POU1F1: variants seen among roughly 807,000 people sequenced by gnomAD.
POU1F1 encodes POU class 1 homeobox 1, also known as pituitary-specific positive transcription factor 1.
In POU1F1, 23 loss-of-function variants were observed where a neutral mutation model predicts 32.3. The observed-to-expected ratio is 0.71, with a 90% CI of 0.51 to 1.01. The LOEUF (loss-of-function observed/expected upper bound fraction) is 1.01, where lower values mean the gene tolerates loss of function less well. Among genes scored for constraint, POU1F1 ranks in the 50% least tolerant of loss-of-function variants. The pLI, the probability that POU1F1 is intolerant of heterozygous loss-of-function variation, is 0.00. For synonymous variants in POU1F1, 120 were observed against 115.6 expected (o/e 1.04, Z -0.25); for missense variants, 323 against 341.6 (o/e 0.95, Z 0.43).
At chr3:87,271,970 C>T (rs1415470694) in intron 2 of POU1F1, among the ~76,000 whole-genome samples, 2 of 151,878 alleles carry the variant, frequency 1.3e-5, no homozygotes, top group South Asian at 2.1e-4. Context: ...TCTATTTAGT[C>T]TTACATGGAC....
Position 87,264,461 on chromosome 3 carries a change from C to A in POU1F1, c.266G>T (p.Gly89Val). The A allele has an allele frequency of 6.2e-7, 1 of 1,613,440 alleles. No homozygotes were observed. Among genetic ancestry groups the A allele is most frequent in the Non-Finnish European group, 8.5e-7 (1 of 1,179,518 alleles). Residue 89 changes from glycine to valine, a missense_variant, in exon 3 of 6, where the codon GGA becomes GTA. Physicochemically the swap from Gly to Val is moderately radical, Grantham distance 109. Transcript: ENST00000350375. ...AAGAGGCTGGTGTATAGGAGGAAAT[C>A]CATGACTCAAGGTGTGGTCAGGAAA... ...YKFPDHTLSH[G>V]FPPIHQPLLA...
intron 3 of POU1F1, 111 bp downstream of exon 3, chr3:87,264,177 A>G: frequency 3.5e-6 from 3 of 865,372 alleles, no homozygotes; most frequent in Non-Finnish European, 5.7e-6. Flanking sequence ...TCCACAGTAG[A>G]GATGAAGAAT....
chr3:87,262,906 G>A (rs72563139), intron 3 of POU1F1, among the ~76,000 whole-genome samples: 4,147 of 152,116 alleles, frequency 0.027, 83 homozygotes, highest in African/African-American at 0.044. Context: ...CAGTAATATA[G>A]ATAGAAAACT....
chr3:87,266,390 T>C (rs1380690458), intron 2 of POU1F1, among the ~76,000 whole-genome samples: 1 of 147,814 alleles, frequency 6.8e-6, no homozygotes, highest in African/African-American at 2.4e-5. Context: ...TATATAAAAA[T>C]ATGTAATTAT....
Position 87,276,583 on chromosome 3 carries a change from C to A in POU1F1, c.-121G>T. 8.4e-7 allele frequency: 1 copy of A among 1,192,738 alleles called. No individual in the cohort carries two copies. Among genetic ancestry groups the A allele is most frequent in the East Asian group, 2.5e-5 (1 of 39,344 alleles). The allele number at this position is 1,192,738 out of a possible 1,614,324, so 73.9% of individuals were successfully genotyped here. ...CCTGCATATATACATCAGGAAGGCTCTGAGGCACCAGGAGGGTGCGCGCTA... is the reference window on the plus strand; with the variant it reads ...CCTGCATATATACATCAGGAAGGCTATGAGGCACCAGGAGGGTGCGCGCTA... On this transcript the variant is annotated 5_prime_UTR_variant, in exon 1 of 6. Transcript: ENST00000350375.
At chr3:87,273,254 T>C in intron 2 of POU1F1, 93 bp downstream of exon 2, 1 of 1,323,686 alleles carries the variant, frequency 7.6e-7, no homozygotes, top group African/African-American at 1.5e-5. Flanking sequence ...AAATCAAATT[T>C]CATGTCACAC....
intron 3 of POU1F1, among the ~76,000 whole-genome samples, chr3:87,263,413 A>G (rs1351951284): frequency 6.6e-6 from 1 of 152,124 alleles, no homozygotes; most frequent in African/African-American, 2.4e-5. Flanking sequence ...ACTCTTCTAG[A>G]TGCTGGAGAT....
rs1706575146 is a variant in POU1F1 at position 87,264,358 on chromosome 3, G to A, written c.369C>T (p.Asp123=). Residue 123 remains aspartate (D), a synonymous_variant, in exon 3 of 6, where the codon GAC becomes GAT. Coordinates refer to ENST00000350375, the MANE Select transcript of POU1F1 (RefSeq NM_000306.4). ...GTTCTCTGATTTCTGGAGAATCCAT[G>A]TCTATTGGCTCTTCCACCAATTTAC... The part of the protein sequence containing the change: ...RKSKLVEEPI[D]MDSPEIRELE... The A allele has an allele frequency of 1.2e-6, 2 of 1,613,932 alleles. No homozygotes were observed. Among genetic ancestry groups the A allele is most frequent in the Admixed American group, 1.7e-5 (1 of 59,976 alleles).
chr3:87,266,004 A>C (rs1305513734), intron 2 of POU1F1, among the ~76,000 whole-genome samples: 1 of 150,932 alleles, frequency 6.6e-6, no homozygotes, highest in Non-Finnish European at 1.5e-5. Context: ...ATTCTTAGAA[A>C]CTTACTGGAA....
Position 87,266,214 on chromosome 3 carries a change from GTTAT to G in POU1F1, c.215-1706_215-1703del, listed in dbSNP as rs956715017. On this transcript the variant is annotated intron_variant, in intron 2 of 5. Coordinates refer to ENST00000350375, the MANE Select transcript of POU1F1 (RefSeq NM_000306.4). ...AAAAATATGTAATCATAAATATGTA[GTTAT>G]TTATTTAATTTAATTTATTTATATA... 1.0e-4 allele frequency among the ~76,000 whole-genome samples: 15 copies of G among 144,458 alleles called. No homozygotes were observed. The South Asian group carries it at 1.5e-3, about 15-fold the overall frequency. 94.8% of individuals were successfully genotyped at this position (144,458 alleles called of 152,430 possible).
intron 1 of POU1F1, among the ~76,000 whole-genome samples, chr3:87,274,927 GTAAA>G: frequency 6.6e-6 from 1 of 151,740 alleles, no homozygotes; most frequent in South Asian, 2.1e-4. Context: ...TTATTTTAAA[GTAAA>G]TAAATGGCAT....
In POU1F1 at chr3:87,265,989, T is replaced by C. The variant is rs558710156; in HGVS notation, c.215-1477A>G. On this transcript the variant is annotated intron_variant, in intron 2 of 5. Coordinates refer to ENST00000350375, the MANE Select transcript of POU1F1 (RefSeq NM_000306.4). ...ATAAATTACTATGGAATACATGCAA[T>C]AATTATTCTTAGAAACTTACTGGAA... Among the ~76,000 whole-genome samples the C allele has an allele frequency of 2.1e-4, 31 of 151,066 alleles. No homozygotes were observed. In the East Asian group the frequency reaches 6.0e-3, roughly 29 times the overall value.
intron 2 of POU1F1, among the ~76,000 whole-genome samples, chr3:87,266,874 G>C (rs1483250141): frequency 6.6e-6 from 1 of 151,904 alleles, no homozygotes; most frequent in Non-Finnish European, 1.5e-5. Context: ...TATGCTTTCA[G>C]AATTGATTCT....
intron 1 of POU1F1, among the ~76,000 whole-genome samples, chr3:87,275,433 C>A (rs1435702568): frequency 1.3e-5 from 2 of 151,904 alleles, no homozygotes; most frequent in Non-Finnish European, 2.9e-5. Flanking sequence ...ACTTTGATTT[C>A]TAAATGTATA....
chr3:87,260,687 G>A (rs868028337), intron 5 of POU1F1, among the ~76,000 whole-genome samples: 2 of 152,084 alleles, frequency 1.3e-5, no homozygotes, highest in South Asian at 2.1e-4. Context: ...AGAGCAATAA[G>A]TTATAGCTAA....
At chr3:87,272,081 T>G (rs557014539) in intron 2 of POU1F1, among the ~76,000 whole-genome samples, 20 of 148,564 alleles carry the variant, frequency 1.3e-4, no homozygotes, top group African/African-American at 4.9e-4. Flanking sequence ...TGTCTGCGGT[T>G]TTTTTTTTTT....
intron 1 of POU1F1, among the ~76,000 whole-genome samples, chr3:87,274,144 C>A (rs1033453486): frequency 6.6e-6 from 1 of 152,144 alleles, no homozygotes; most frequent in Non-Finnish European, 1.5e-5. Context: ...AAAATGAGTT[C>A]ATTCATTGAG....
chr3:87,260,591 G>C (rs955046234), intron 5 of POU1F1, among the ~76,000 whole-genome samples: 2 of 152,180 alleles, frequency 1.3e-5, no homozygotes, highest in African/African-American at 4.8e-5. Flanking sequence ...AAATGCAAGA[G>C]GTCATGTTGA....
intron 2 of POU1F1, among the ~76,000 whole-genome samples, chr3:87,269,444 G>A (rs946300329): frequency 1.3e-5 from 2 of 151,990 alleles, no homozygotes; most frequent in Non-Finnish European, 2.9e-5. Context: ...TTCACGATGT[G>A]GAAGCAAAAG....
Sources: allele counts gnomAD v4.1 joint callset (sites outside exome capture counted in the v4.1 genomes callset), GRCh38; gene constraint gnomAD v4.1.1; transcripts MANE v1.5; gene names NCBI Gene and HGNC (gene_info 2026-07-23, HGNC 2026-07-21).